The following DGKB variants were observed in gnomAD, a reference collection of about 807,000 sequenced individuals.
DGKB encodes diacylglycerol kinase beta.
Under a neutral mutation model 114.3 loss-of-function variants are expected in DGKB, and 67 were observed. The ratio of observed to expected loss-of-function variants is 0.59; its 90% CI spans 0.48 to 0.72. DGKB has a LOEUF of 0.72. DGKB is among the 30% of genes least tolerant of loss of function. The probability of loss-of-function intolerance (pLI) is 0.00; values close to 1 mark genes in which losing one functional copy is unlikely to be tolerated. For missense variants in DGKB, 907 were observed against 975.2 expected, an observed-to-expected ratio of 0.93 and a Z score of 0.93; for synonymous variants, 398 against 323.1, an observed-to-expected ratio of 1.23 and a Z score of -2.49.
chr7:14,572,495 C>T (rs926188666), intron 20 of DGKB, among the ~76,000 whole-genome samples: 2 of 151,124 alleles, frequency 1.3e-5, no homozygotes, highest in African/African-American at 2.4e-5. Flanking sequence ...AGTATAGTAA[C>T]AATGACTCTC....
intron 21 of DGKB, among the ~76,000 whole-genome samples, chr7:14,407,511 C>G (rs1824136791): frequency 6.6e-6 from 1 of 151,980 alleles, no homozygotes; most frequent in African/African-American, 2.4e-5. Context: ...GAAGAAGCTA[C>G]CTGGGTATGC....
chr7:14,956,927 C>T (rs1360182022), intron 1 of DGKB, among the ~76,000 whole-genome samples: 2 of 151,742 alleles, frequency 1.3e-5, no homozygotes, highest in African/African-American at 4.8e-5. Flanking sequence ...CTGTCTGCTA[C>T]CTCCCGGCTT....
intron 20 of DGKB, among the ~76,000 whole-genome samples, chr7:14,523,628 A>G (rs188666268): frequency 1.3e-5 from 2 of 152,266 alleles, no homozygotes; most frequent in Non-Finnish European, 2.9e-5. Context: ...ATAGTCATAT[A>G]TTATCTTGTT....
chr7:14,466,364 C>G (rs1584158795), intron 21 of DGKB, among the ~76,000 whole-genome samples: 2 of 152,128 alleles, frequency 1.3e-5, no homozygotes, highest in African/African-American at 4.8e-5. Flanking sequence ...CGAGACAATC[C>G]TGGCTAACAT....
At chr7:14,894,734 C>T (rs1046877776) in intron 1 of DGKB, among the ~76,000 whole-genome samples, 1 of 151,500 alleles carries the variant, frequency 6.6e-6, no homozygotes, top group Admixed American at 6.6e-5. Flanking sequence ...ATTAATAGCT[C>T]TAAAACAAAA....
chr7:14,623,792 T>C (rs574040166), intron 14 of DGKB, among the ~76,000 whole-genome samples: 1 of 152,284 alleles, frequency 6.6e-6, no homozygotes, highest in African/African-American at 2.4e-5. Flanking sequence ...CAAATTATAA[T>C]TTTATTCATA....
At chr7:14,196,774 G>T (rs1413716453) in intron 23 of DGKB, among the ~76,000 whole-genome samples, 1 of 151,544 alleles carries the variant, frequency 6.6e-6, no homozygotes. Context: ...ATCATGTACT[G>T]ACAAGTTTCC....
chr7:14,243,667 C>A (rs1285333697), intron 23 of DGKB, among the ~76,000 whole-genome samples: 1 of 152,004 alleles, frequency 6.6e-6, no homozygotes, highest in Non-Finnish European at 1.5e-5. Flanking sequence ...TCTCCTTAAC[C>A]CACTGCATCC....
chr7:14,626,459 G>T (rs1371389313), intron 14 of DGKB, among the ~76,000 whole-genome samples: 1 of 152,138 alleles, frequency 6.6e-6, no homozygotes, highest in African/African-American at 2.4e-5. Flanking sequence ...TAGGCCACAT[G>T]AATTTTCCAG....
intron 23 of DGKB, among the ~76,000 whole-genome samples, chr7:14,180,967 A>T (rs2128250051): frequency 6.6e-6 from 1 of 152,308 alleles, no homozygotes. Flanking sequence ...TAAGAGTGTG[A>T]GCAGCAAAAG....
chr7:14,768,502 C>T (rs887883939), intron 2 of DGKB, among the ~76,000 whole-genome samples: 2 of 146,510 alleles, frequency 1.4e-5, no homozygotes, highest in African/African-American at 5.5e-5. Context: ...ATCTCCTAAA[C>T]ATTCCCTTCC....
chr7:14,733,241 G>A (rs1831174665), intron 5 of DGKB, among the ~76,000 whole-genome samples: 1 of 152,096 alleles, frequency 6.6e-6, no homozygotes, highest in Non-Finnish European at 1.5e-5. Flanking sequence ...AATTATTTAA[G>A]AATCTAAAAA....
At chr7:14,742,456 TAA>T (rs2128414711) in intron 4 of DGKB, among the ~76,000 whole-genome samples, 1 of 152,302 alleles carries the variant, frequency 6.6e-6, no homozygotes, top group Non-Finnish European at 1.5e-5. Flanking sequence ...CTTTGAGAAA[TAA>T]AAAGTCTTAA....
chr7:14,169,656 A>G (rs2128235003), intron 25 of DGKB, among the ~76,000 whole-genome samples: 1 of 152,282 alleles, frequency 6.6e-6, no homozygotes, highest in South Asian at 2.1e-4. Flanking sequence ...TTGAACTTTG[A>G]GATCAAGGGA....
intron 21 of DGKB, among the ~76,000 whole-genome samples, chr7:14,455,111 A>G (rs1832084430): frequency 6.6e-6 from 1 of 151,992 alleles, no homozygotes; most frequent in Non-Finnish European, 1.5e-5. Flanking sequence ...TTAATTTTCT[A>G]TAAACTCTGT....
intron 21 of DGKB, among the ~76,000 whole-genome samples, chr7:14,442,471 G>C (rs1031077513): frequency 6.6e-6 from 1 of 151,812 alleles, no homozygotes; most frequent in African/African-American, 2.4e-5. Flanking sequence ...ACTCTCTCTA[G>C]GTTTTTATTC....
chr7:14,820,058 A>C (rs1187187750), intron 2 of DGKB, among the ~76,000 whole-genome samples: 1 of 152,156 alleles, frequency 6.6e-6, no homozygotes, highest in Non-Finnish European at 1.5e-5. Flanking sequence ...AGAGGTAGAA[A>C]TTACAATTTT....
rs929659597 is a variant in DGKB, at chr7:14,833,300, C to T, written c.70+7894G>A. On this transcript the variant is annotated intron_variant, in intron 2 of 25. Transcript: ENST00000402815. ...AATTTAAATCTTACAATTTTGCTATCTCCAGAATTAAAATCTTCAATATCT... is the reference window on the plus strand; with the variant it reads ...AATTTAAATCTTACAATTTTGCTATTTCCAGAATTAAAATCTTCAATATCT... 1.5e-4 allele frequency among the ~76,000 whole-genome samples: 23 copies of T among 152,172 alleles called. 1 individual carries two copies. Among genetic ancestry groups the T allele is most frequent in the Admixed American group, 1.4e-3 (21 of 15,254 alleles).
At chr7:14,433,199 G>T (rs1035754731) in intron 21 of DGKB, among the ~76,000 whole-genome samples, 7 of 152,116 alleles carry the variant, frequency 4.6e-5, no homozygotes, top group African/African-American at 1.7e-4. Flanking sequence ...TTGCTTCAGG[G>T]ATTACTGTCA....
Sources: allele counts gnomAD v4.1 joint callset (sites outside exome capture counted in the v4.1 genomes callset), GRCh38; gene constraint gnomAD v4.1.1; transcripts MANE v1.5; gene names NCBI Gene and HGNC (gene_info 2026-07-23, HGNC 2026-07-21).